CNST: variants seen among roughly 807,000 people sequenced by gnomAD.
CNST encodes consortin.
A neutral mutation model predicts 72.4 loss-of-function variants in CNST; 39 were observed. That is an observed-to-expected ratio of 0.54 (90% CI 0.42 to 0.70). The LOEUF is 0.70. Ranked by LOEUF, CNST falls within the 30% of genes least tolerant of loss-of-function variation. CNST has a pLI of 0.00. For synonymous variants in CNST, 332 were observed against 320.1 expected (o/e 1.04, Z -0.40); for missense variants, 871 against 868.5 (o/e 1.00, Z -0.04).
At chr1:246,648,893 GA>G (rs1470527414) in intron 9 of CNST, among the ~76,000 whole-genome samples, 2 of 152,120 alleles carry the variant, frequency 1.3e-5, no homozygotes, top group Non-Finnish European at 2.9e-5. Context: ...GGGGGAAAAT[GA>G]AAAAGTAACA....
At chr1:246,660,375 G>C in intron 10 of CNST, 41 bp downstream of exon 10, 1 of 1,588,476 alleles carries the variant, frequency 6.3e-7, no homozygotes, top group Non-Finnish European at 8.5e-7. Context: ...TAGATGCTCA[G>C]TGTTTGCTGA....
rs550640519 is a variant in CNST at position 246,654,598 on chromosome 1, T to C, written c.1837-5601T>C. Among the ~76,000 whole-genome samples the C allele has an allele frequency of 3.3e-5, 5 of 152,358 alleles. No homozygotes were observed. The South Asian group carries it at 1.0e-3, about 32-fold the overall frequency. On this transcript the variant is annotated intron_variant, in intron 9 of 10. Coordinates refer to ENST00000366513, the MANE Select transcript of CNST (RefSeq NM_152609.3). ...CTTCTACATCAAACTGCAAACTCCT[T>C]AAAGATACGGATTCTGTTAAATACA...
intron 2 of CNST, among the ~76,000 whole-genome samples, chr1:246,613,430 GT>G (rs1165539940): frequency 6.6e-6 from 1 of 151,926 alleles, no homozygotes; most frequent in Non-Finnish European, 1.5e-5. Flanking sequence ...GTGGATTTGG[GT>G]TTGTTTCAGT....
In CNST at chr1:246,665,809, A is replaced by C. The variant is rs778545767; in HGVS notation, c.2082A>C (p.Ser694=). The C allele has an allele frequency of 9.9e-6, 16 of 1,613,914 alleles. No individual in the cohort carries two copies. Among genetic ancestry groups the C allele is most frequent in the Non-Finnish European group, 1.3e-5 (15 of 1,179,984 alleles). The change falls in exon 11 of 11, where the codon TCA becomes TCC. Residue 694 remains serine, a synonymous_variant. Coordinates refer to ENST00000366513, the MANE Select transcript of CNST (RefSeq NM_152609.3). ...ACTGCACTTTCGGTGACATGGAGTC[A>C]CCTGTTTGTACTGACTTTGCAGACA... ...ALYCTFGDME[S]PVCTDFADNM...
At chr1:246,592,905 A>C (rs1661640938) in intron 2 of CNST, among the ~76,000 whole-genome samples, 1 of 152,166 alleles carries the variant, frequency 6.6e-6, no homozygotes, top group Non-Finnish European at 1.5e-5. Context: ...CCCCTTGGGA[A>C]AAGGCAGCCT....
At chr1:246,635,015 G>T (rs1018034815) in intron 6 of CNST, among the ~76,000 whole-genome samples, 1 of 129,114 alleles carries the variant, frequency 7.7e-6, no homozygotes, top group Non-Finnish European at 1.7e-5. Context: ...TCTGCTTCTC[G>T]CTGACGCGCG....
chr1:246,612,179 A>G (rs1287822695), intron 2 of CNST, among the ~76,000 whole-genome samples: 8 of 152,210 alleles, frequency 5.3e-5, no homozygotes, highest in Non-Finnish European at 7.3e-5. Context: ...GATAGTGGTG[A>G]TGATTGAACA....
At chr1:246,618,410 G>GT (rs1332653841) in intron 2 of CNST, among the ~76,000 whole-genome samples, 1 of 152,200 alleles carries the variant, frequency 6.6e-6, no homozygotes, top group African/African-American at 2.4e-5. Context: ...AGGTAAGATG[G>GT]TTTTGTATAG....
intron 2 of CNST, among the ~76,000 whole-genome samples, chr1:246,613,525 T>C (rs1387865548): frequency 6.6e-6 from 1 of 151,622 alleles, no homozygotes; most frequent in Non-Finnish European, 1.5e-5. Flanking sequence ...GCTTTAACAC[T>C]TGGATCAAAG....
intron 8 of CNST, among the ~76,000 whole-genome samples, chr1:246,645,428 T>TA (rs60285031): frequency 0.29 from 40,870 of 142,500 alleles, 6,571 homozygotes; most frequent in East Asian, 0.67. Flanking sequence ...TTAAAACTTT[T>TA]TTTTTTTTTT....
At position 246,655,653 on chromosome 1, in the gene CNST, A is replaced by G. The variant is rs183547866; in HGVS notation, c.1837-4546A>G. Among the ~76,000 whole-genome samples the G allele has an allele frequency of 3.9e-5, 6 of 152,322 alleles. No individual in the cohort carries two copies. In the East Asian group the frequency reaches 1.2e-3, roughly 29 times the overall value. ...TCTTGTTTTAATTGTAATATATATT[A>G]TAGCATATGGCATAAAGCAACATTT... On this transcript the variant is annotated intron_variant, in intron 9 of 10. Transcript: ENST00000366513.
At chr1:246,572,354 A>C (rs1660116838) in intron 1 of CNST, among the ~76,000 whole-genome samples, 1 of 152,268 alleles carries the variant, frequency 6.6e-6, no homozygotes. Flanking sequence ...AGTATTTGAT[A>C]GTATACTGCT....
intron 2 of CNST, 54 bp downstream of exon 2, chr1:246,591,995 C>A (rs1661575955): frequency 1.5e-6 from 2 of 1,372,414 alleles, no homozygotes; most frequent in Non-Finnish European, 2.0e-6. Flanking sequence ...AAATGAACCT[C>A]CTTCCCTCCC....
At chr1:246,606,914 C>T (rs1296162831) in intron 2 of CNST, 1 of 150,788 alleles carries the variant, frequency 6.6e-6, no homozygotes, top group African/African-American at 2.4e-5. Context: ...AGTCCGTCGT[C>T]AGCTGGTGTT....
intron 9 of CNST, among the ~76,000 whole-genome samples, chr1:246,656,035 G>A (rs2103155577): frequency 6.6e-6 from 1 of 152,250 alleles, no homozygotes; most frequent in South Asian, 2.1e-4. Flanking sequence ...TGAAATTGCT[G>A]GCACTTAAGT....
rs1043514564 is a variant in CNST, at chr1:246,575,635, G to A, written c.-52+8972G>A. Among the ~76,000 whole-genome samples, 14 of 152,040 alleles carry A rather than the reference G, an allele frequency of 9.2e-5. 1 individual carries two copies. The highest frequency in any genetic ancestry group is 2.7e-4 in the African/African-American group (11 of 41,374). On this transcript the variant is annotated intron_variant, in intron 1 of 10. Coordinates refer to ENST00000366513, the MANE Select transcript of CNST (RefSeq NM_152609.3). ...GTAGGGCAGGGGGGATCTTTTCGGG[G>A]TGATAAGATGTTCTAGAATTGATTG...
chr1:246,590,529 T>G (rs1000138294), intron 1 of CNST, among the ~76,000 whole-genome samples: 1 of 152,062 alleles, frequency 6.6e-6, no homozygotes, highest in Non-Finnish European at 1.5e-5. Context: ...CTTAATGGTA[T>G]AGGGTGAATA....
intron 2 of CNST, among the ~76,000 whole-genome samples, chr1:246,603,488 G>T (rs1205829220): frequency 1.3e-5 from 2 of 152,124 alleles, no homozygotes; most frequent in Admixed American, 1.3e-4. Context: ...ACAATTAAGA[G>T]TTTTTTGTTG....
chr1:246,649,932 TGTC>T (rs1666358534), intron 9 of CNST, among the ~76,000 whole-genome samples: 1 of 151,642 alleles, frequency 6.6e-6, no homozygotes, highest in Admixed American at 6.6e-5. Flanking sequence ...ACAAGGGTCT[TGTC>T]GTGGATGTAT....
Sources: gnomAD v4.1 joint callset for allele counts (sites outside exome capture counted in the v4.1 genomes callset) on GRCh38, gnomAD v4.1.1 for gene constraint, MANE v1.5 for transcripts, NCBI Gene and HGNC (gene_info 2026-07-23, HGNC 2026-07-21) for gene names.